The following DMD variants were observed in gnomAD, a reference collection of about 807,000 sequenced individuals.
DMD encodes mutant dystrophin.
A neutral mutation model predicts 330.1 loss-of-function variants in DMD; 63 were observed. The ratio of observed to expected loss-of-function variants is 0.19; its 90% CI spans 0.16 to 0.24. The LOEUF (loss-of-function observed/expected upper bound fraction) is 0.24, where lower values mean the gene tolerates loss of function less well. DMD is among the 10% of genes least tolerant of loss of function. DMD has a pLI of 1.00. For synonymous variants in DMD, 1,223 were observed against 959.8 expected, an observed-to-expected ratio of 1.27 and a Z score of -5.07; for missense variants, 3,344 against 2,684.1, an observed-to-expected ratio of 1.25 and a Z score of -5.43.
At chrX:32,047,620 G>T (rs1420038045) in intron 44 of DMD, among the ~76,000 whole-genome samples, 5 of 111,562 alleles carry the variant, frequency 4.5e-5, no homozygotes, top group Admixed American at 9.5e-5. Context: ...CCTTGCCTGT[G>T]ATTAGTGAAT....
intron 1 of DMD, among the ~76,000 whole-genome samples, chrX:33,088,825 G>A: frequency 9.0e-6 from 1 of 111,534 alleles, no homozygotes; most frequent in South Asian, 3.7e-4. Context: ...TTGCTTTTTT[G>A]AAATGAAATA....
intron 61 of DMD, among the ~76,000 whole-genome samples, chrX:31,331,296 A>C (rs1024439621): frequency 9.0e-6 from 1 of 111,462 alleles, no homozygotes; most frequent in African/African-American, 3.3e-5. Context: ...CTCACATTTG[A>C]TCTGGGAAGT....
intron 1 of DMD, among the ~76,000 whole-genome samples, chrX:33,032,357 T>C (rs1436351940): frequency 1.8e-5 from 2 of 112,206 alleles, no homozygotes; most frequent in Admixed American, 1.9e-4. Context: ...AAATGTTTGT[T>C]CTTATAAGTC....
rs2078065418 is a variant in DMD, at chrX:31,613,987, G to T, written c.8217+13686C>A. Among the ~76,000 whole-genome samples the T allele has an allele frequency of 2.7e-5, 3 of 112,028 alleles. No homozygotes were observed. The South Asian group carries it at 1.1e-3, about 41-fold the overall frequency. ...TTTAGGGTTGTCTAATCAATGCAAT[G>T]GTTGCATCCAAATAAGAACACTTGT... On this transcript the variant is annotated intron_variant, in intron 55 of 78. Coordinates refer to ENST00000357033, the MANE Select transcript of DMD (RefSeq NM_004006.3).
intron 60 of DMD, among the ~76,000 whole-genome samples, chrX:31,371,272 A>G (rs1288439910): frequency 9.0e-6 from 1 of 111,086 alleles, no homozygotes; most frequent in Non-Finnish European, 1.9e-5. Context: ...GTAATGTATC[A>G]ATGACTGAAT....
chrX:31,481,087 T>C (rs2068249794), intron 57 of DMD, among the ~76,000 whole-genome samples: 1 of 112,207 alleles, frequency 8.9e-6, no homozygotes, highest in Non-Finnish European at 1.9e-5. Context: ...AGCAGGCCAG[T>C]GTTTCTAGAG....
At chrX:31,131,951 A>G (rs2034568031) in intron 77 of DMD, among the ~76,000 whole-genome samples, 1 of 111,848 alleles carries the variant, frequency 8.9e-6, no homozygotes, top group South Asian at 3.8e-4. Context: ...GATAGGCCAG[A>G]TTTTCCAATA....
chrX:32,804,737 C>G (rs1256250412), intron 7 of DMD, among the ~76,000 whole-genome samples: 1 of 112,038 alleles, frequency 8.9e-6, no homozygotes, highest in African/African-American at 3.2e-5. Flanking sequence ...TGGCTGGCAA[C>G]TGGTGGGTGC....
At chrX:31,121,993 G>GTTTC (rs1454798010) in intron 78 of DMD, 63 bp from the exon 79 acceptor site, 1 of 872,695 alleles carries the variant, frequency 1.1e-6, no homozygotes, top group African/African-American at 2.0e-5. Context: ...GCATCACTCT[G>GTTTC]TTTCTTTGCC....
chrX:32,043,850 A>AT (rs1205388961), intron 44 of DMD, among the ~76,000 whole-genome samples: 4 of 111,976 alleles, frequency 3.6e-5, no homozygotes, highest in African/African-American at 1.3e-4. Flanking sequence ...TGGAAAGATA[A>AT]TTTTTTTCTA....
chrX:31,834,893 C>T (rs1289248365), intron 49 of DMD, among the ~76,000 whole-genome samples: 1 of 111,369 alleles, frequency 9.0e-6, no homozygotes, highest in African/African-American at 3.3e-5. Flanking sequence ...AAAAACAGTG[C>T]TGTCTGCTAC....
chrX:31,215,796 G>A (rs1464597728), intron 64 of DMD, among the ~76,000 whole-genome samples: 1 of 112,390 alleles, frequency 8.9e-6, no homozygotes, highest in East Asian at 2.8e-4. Flanking sequence ...TTAGTGGGTG[G>A]AGGGACAATT....
chrX:32,322,572 C>CAAAAT (rs1260859440), intron 41 of DMD, among the ~76,000 whole-genome samples: 1 of 110,164 alleles, frequency 9.1e-6, no homozygotes, highest in Non-Finnish European at 1.9e-5. Flanking sequence ...AAAATAAAAA[C>CAAAAT]AAAATAAAAT....
chrX:32,896,486 T>C (rs2085731835), intron 2 of DMD, among the ~76,000 whole-genome samples: 1 of 111,668 alleles, frequency 9.0e-6, no homozygotes, highest in Non-Finnish European at 1.9e-5. Context: ...GAGGCCACGT[T>C]GCCTTGAGGG....
chrX:32,531,509 T>C (rs1223255831), intron 17 of DMD, among the ~76,000 whole-genome samples: 1 of 111,973 alleles, frequency 8.9e-6, no homozygotes, highest in African/African-American at 3.2e-5. Flanking sequence ...GACATATATA[T>C]CATTTTAAGC....
intron 59 of DMD, among the ~76,000 whole-genome samples, chrX:31,466,838 C>T (rs2149193614): frequency 9.0e-6 from 1 of 111,244 alleles, no homozygotes; most frequent in East Asian, 2.8e-4. Context: ...CTCTCATTTC[C>T]TTGAGCAGTG....
chrX:32,562,098 TA>T (rs1317494700), intron 16 of DMD, among the ~76,000 whole-genome samples: 3 of 112,225 alleles, frequency 2.7e-5, no homozygotes, highest in African/African-American at 6.5e-5. Context: ...AGTATGTTTA[TA>T]AAAAATTACA....
intron 50 of DMD, among the ~76,000 whole-genome samples, chrX:31,793,572 A>C (rs2091679402): frequency 8.9e-6 from 1 of 112,079 alleles, no homozygotes; most frequent in Non-Finnish European, 1.9e-5. Flanking sequence ...TACCTTCAAC[A>C]TGGTCAGAAC....
intron 7 of DMD, among the ~76,000 whole-genome samples, chrX:32,772,040 G>T (rs1348880315): frequency 8.9e-6 from 1 of 112,297 alleles, no homozygotes; most frequent in Non-Finnish European, 1.9e-5. Flanking sequence ...CGGTACAGAA[G>T]AAGATAGAAC....
Sources: allele counts gnomAD v4.1 joint callset (sites outside exome capture counted in the v4.1 genomes callset), GRCh38; gene constraint gnomAD v4.1.1; transcripts MANE v1.5; gene names NCBI Gene and HGNC (gene_info 2026-07-23, HGNC 2026-07-21).